The following NUCB1 variants were observed in gnomAD, a reference collection of about 807,000 sequenced individuals.
The protein encoded by NUCB1 is nucleobindin-1.
A neutral mutation model predicts 61.2 loss-of-function variants in NUCB1; 47 were observed. The observed-to-expected ratio is 0.77, with a 90% confidence interval of 0.61 to 0.98. The LOEUF is 0.98. Ranked by LOEUF, NUCB1 falls within the 50% of genes least tolerant of loss-of-function variation. The pLI, the probability that NUCB1 is intolerant of heterozygous loss-of-function variation, is 0.00. For missense variants in NUCB1, 583 were observed against 605.3 expected, an observed-to-expected ratio of 0.96 and a Z score of 0.39; for synonymous variants, 234 against 243.1, an observed-to-expected ratio of 0.96 and a Z score of 0.35.
chr19:48,917,648 C>T (rs2037555919), intron 7 of NUCB1, among the ~76,000 whole-genome samples: 1 of 152,134 alleles, frequency 6.6e-6, no homozygotes, highest in African/African-American at 2.4e-5. Flanking sequence ...AGGCACTTGG[C>T]ATTATGCCTG....
Position 48,909,262 on chromosome 19 carries a change from T to TCC in NUCB1, c.377-1886_377-1885dup, listed in dbSNP as rs1555791451. On this transcript the variant is annotated intron_variant, in intron 4 of 12. Coordinates refer to ENST00000405315, the MANE Select transcript of NUCB1 (RefSeq NM_006184.6). The stretch of plus-strand genomic sequence containing the variant: ...ATTATTATTATTATTTTTTTTTTTT[T>TCC]CCAAGACAGAGTTTTGCTCTCGTTG... Among the ~76,000 whole-genome samples, 1,034 of 147,586 alleles carry TCC rather than the reference T, an allele frequency of 7.0e-3. 12 individuals are homozygous for TCC. Among genetic ancestry groups the TCC allele is most frequent in the African/African-American group, 0.026 (998 of 38,758 alleles).
At chr19:48,909,058 C>CA (rs1041873825) in intron 4 of NUCB1, among the ~76,000 whole-genome samples, 4 of 151,902 alleles carry the variant, frequency 2.6e-5, no homozygotes, top group African/African-American at 9.7e-5. Flanking sequence ...GGCCTGCAGT[C>CA]AGAGTCCAAA....
intron 2 of NUCB1, among the ~76,000 whole-genome samples, chr19:48,903,906 G>GTGGATGGA (rs1429519010): frequency 1.6e-5 from 2 of 126,172 alleles, no homozygotes; most frequent in Non-Finnish European, 3.4e-5. Context: ...GGATGGATGG[G>GTGGATGGA]TGGATGGATG....
rs1423254890 is a variant in NUCB1 at position 48,921,318 on chromosome 19, G to A, written c.1167G>A (p.Leu389=). The change falls in exon 11 of 13, where the codon CTG becomes CTA. Residue 389 remains leucine, a synonymous_variant. Coordinates refer to ENST00000405315, the MANE Select transcript of NUCB1 (RefSeq NM_006184.6). ...GCCTGGAGGCCCAGAAGAGAGAGCT[G>A]CAGCAGGTGACAGCGGGGGAAGCTG... The part of the protein sequence containing the change: ...QGRLEAQKRE[L]QQAVLHMEQR... The A allele has an allele frequency of 1.9e-6, 3 of 1,585,108 alleles. No homozygotes were observed. Among genetic ancestry groups the A allele is most frequent in the East Asian group, 2.3e-5 (1 of 43,000 alleles).
intron 2 of NUCB1, among the ~76,000 whole-genome samples, chr19:48,903,751 T>C (rs2122164797): frequency 1.5e-5 from 2 of 135,912 alleles, no homozygotes; most frequent in South Asian, 4.8e-4. Flanking sequence ...GGCGGGTGGA[T>C]GGATGGGTGG....
chr19:48,900,515 G>T (rs2037342134), intron 1 of NUCB1, 143 bp downstream of exon 1: 2 of 529,802 alleles, frequency 3.8e-6, no homozygotes, highest in Non-Finnish European at 6.7e-6. Context: ...CTGGACTCTT[G>T]GGTCTGGGGG....
chr19:48,922,602 C>T lies in NUCB1; in HGVS notation c.*178C>T, dbSNP rs539546729. 17 of 595,366 alleles carry T rather than the reference C, an allele frequency of 2.9e-5. No individual in the cohort carries two copies. The highest frequency in any genetic ancestry group is 5.7e-5 in the East Asian group (2 of 34,880). 36.9% of individuals were successfully genotyped at this position (595,366 alleles called of 1,614,324 possible). On this transcript the variant is annotated 3_prime_UTR_variant, in exon 13 of 13. Coordinates refer to ENST00000405315, the MANE Select transcript of NUCB1 (RefSeq NM_006184.6). ...CCAGGTCCACCTGTCTCCACTTTCACAGCCTCCAAGTCTGTGGCTCTTCCC... is the reference window on the plus strand; with the variant it reads ...CCAGGTCCACCTGTCTCCACTTTCATAGCCTCCAAGTCTGTGGCTCTTCCC...
chr19:48,914,133 G>A (rs1388734514), intron 7 of NUCB1, among the ~76,000 whole-genome samples: 10 of 151,852 alleles, frequency 6.6e-5, no homozygotes, highest in Non-Finnish European at 1.0e-4. Context: ...GCACCACCAT[G>A]CCCGGCTAAC....
At chr19:48,901,583 G>A (rs1401347505) in intron 2 of NUCB1, among the ~76,000 whole-genome samples, 3 of 152,200 alleles carry the variant, frequency 2.0e-5, no homozygotes, top group Admixed American at 6.5e-5. Flanking sequence ...GGCCAACATG[G>A]CAAAACCCCA....
At chr19:48,920,506 T>TTTTATTTA (rs574050522) in intron 10 of NUCB1, among the ~76,000 whole-genome samples, 1 of 151,754 alleles carries the variant, frequency 6.6e-6, no homozygotes, top group East Asian at 1.9e-4. Flanking sequence ...TAGGTCTCTG[T>TTTTATTTA]TTTATTTATT....
chr19:48,903,085 G>C (rs1239312808), intron 2 of NUCB1, among the ~76,000 whole-genome samples: 1 of 152,072 alleles, frequency 6.6e-6, no homozygotes, highest in Non-Finnish European at 1.5e-5. Context: ...TGGGATTACA[G>C]GCATGAGCTA....
At chr19:48,906,329 G>A (rs556263697) in intron 4 of NUCB1, among the ~76,000 whole-genome samples, 63 of 151,566 alleles carry the variant, frequency 4.2e-4, no homozygotes, top group Non-Finnish European at 8.1e-4. Flanking sequence ...GGTTGAACCC[G>A]GGAGGCGGAG....
chr19:48,921,456 G>T, intron 11 of NUCB1, 132 bp downstream of exon 11: 1 of 1,027,408 alleles, frequency 9.7e-7, no homozygotes, highest in Admixed American at 2.0e-5. Flanking sequence ...AGTATTCACC[G>T]CCATCTTGAG....
chr19:48,902,238 G>A (rs1483107584), intron 2 of NUCB1, among the ~76,000 whole-genome samples: 1 of 152,018 alleles, frequency 6.6e-6, no homozygotes, highest in Non-Finnish European at 1.5e-5. Context: ...AGCCTCCCGA[G>A]TAGCTGGGAC....
At chr19:48,906,765 G>T (rs912457970) in intron 4 of NUCB1, among the ~76,000 whole-genome samples, 1 of 151,908 alleles carries the variant, frequency 6.6e-6, no homozygotes, top group Admixed American at 6.6e-5. Context: ...TAGAAAAGTT[G>T]TAAGAGTAGT....
chr19:48,901,774 G>C (rs1344248868), intron 2 of NUCB1, among the ~76,000 whole-genome samples: 11 of 152,068 alleles, frequency 7.2e-5, no homozygotes, highest in Non-Finnish European at 1.6e-4. Flanking sequence ...TGTTTTCTGA[G>C]ACTGTCTCAA....
At chr19:48,904,583 G>A (rs1422647099) in intron 3 of NUCB1, 129 bp downstream of exon 3, 10 of 616,846 alleles carry the variant, frequency 1.6e-5, no homozygotes, top group Admixed American at 8.0e-5. Context: ...GGAGTGCGAT[G>A]GTGCGATCTC....
chr19:48,910,136 G>T (rs2037455755), intron 4 of NUCB1, among the ~76,000 whole-genome samples: 1 of 151,920 alleles, frequency 6.6e-6, no homozygotes, highest in Admixed American at 6.6e-5. Flanking sequence ...TGGTGCAGTG[G>T]CGTGATCTCG....
chr19:48,914,675 AGT>A lies in NUCB1; in HGVS notation c.757+1113_757+1114del, dbSNP rs564153685. ...ACAAGATGCGTCCTGGGCTGGGTGT[AGT>A]GGCTCATGTCTGTAATCCCAGCACT... On this transcript the variant is annotated intron_variant, in intron 7 of 12. Transcript: ENST00000405315. Among the ~76,000 whole-genome samples the A allele has an allele frequency of 1.1e-4, 16 of 152,170 alleles. No individual in the cohort carries two copies. The South Asian group carries it at 3.3e-3, about 32-fold the overall frequency.
Sources: gnomAD v4.1 joint callset for allele counts (sites outside exome capture counted in the v4.1 genomes callset) on GRCh38, gnomAD v4.1.1 for gene constraint, MANE v1.5 for transcripts, NCBI Gene and HGNC (gene_info 2026-07-23, HGNC 2026-07-21) for gene names.